Variants in ATP10B observed in about 807,000 individuals in gnomAD.
ATP10B encodes phospholipid-transporting ATPase VB.
A neutral mutation model predicts 141.2 loss-of-function variants in ATP10B; 122 were observed. The ratio of observed to expected loss-of-function variants is 0.86; its 90% CI spans 0.75 to 1.00. The LOEUF is 1.00. Among genes scored for constraint, ATP10B ranks in the 50% least tolerant of loss-of-function variants. ATP10B has a pLI of 0.00. For synonymous variants in ATP10B, 685 were observed against 692.0 expected (o/e 0.99, Z 0.16); for missense variants, 1,876 against 1,825.3 (o/e 1.03, Z -0.51).
chr5:160,852,825 T>G (rs979102086), upstream of ATP10B, among the ~76,000 whole-genome samples: 1 of 152,102 alleles, frequency 6.6e-6, no homozygotes, highest in Non-Finnish European at 1.5e-5. Context: ...ATGAGCAAGT[T>G]GCTGTATTGA....
At chr5:160,579,345 A>G (rs1188888498) in intron 24 of ATP10B, among the ~76,000 whole-genome samples, 1 of 152,148 alleles carries the variant, frequency 6.6e-6, no homozygotes, top group Non-Finnish European at 1.5e-5. Flanking sequence ...GAATTTTTGT[A>G]TAAGGTGTAA....
intron 2 of ATP10B, among the ~76,000 whole-genome samples, chr5:160,725,574 T>C (rs1055905686): frequency 1.3e-5 from 2 of 152,042 alleles, no homozygotes; most frequent in South Asian, 2.1e-4. Context: ...GCCTCGCAAG[T>C]AGCTGGGACT....
intron 7 of ATP10B, 146 bp downstream of exon 7, chr5:160,670,317 T>C: frequency 1.4e-6 from 1 of 713,526 alleles, no homozygotes; most frequent in Non-Finnish European, 2.4e-6. Context: ...GGGCTGCTGG[T>C]AGGATTTAGT....
intron 24 of ATP10B, among the ~76,000 whole-genome samples, chr5:160,578,580 T>C (rs1323720275): frequency 1.3e-5 from 2 of 152,216 alleles, no homozygotes; most frequent in South Asian, 2.1e-4. Flanking sequence ...ATTTTCTTTA[T>C]CCAGTCTATC....
the ATP10B span, among the ~76,000 whole-genome samples, chr5:160,910,589 C>A: frequency 6.6e-6 from 1 of 152,164 alleles, no homozygotes; most frequent in African/African-American, 2.4e-5. Flanking sequence ...ATTCAGGCTT[C>A]ACTATCCTGT....
chr5:160,825,824 G>C (rs1774559835), intron 1 of ATP10B, among the ~76,000 whole-genome samples: 1 of 152,118 alleles, frequency 6.6e-6, no homozygotes, highest in Non-Finnish European at 1.5e-5. Context: ...CCCCTGACCA[G>C]TAGTCAGCAG....
chr5:160,670,695 G>T, intron 6 of ATP10B, 28 bp from the exon 7 acceptor site: 1 of 1,602,084 alleles, frequency 6.2e-7, no homozygotes, highest in Non-Finnish European at 8.5e-7. Context: ...CAGGGTGTGA[G>T]TGAGCTTTAA....
intron 24 of ATP10B, among the ~76,000 whole-genome samples, chr5:160,580,014 G>T (rs1373563028): frequency 6.6e-6 from 1 of 152,104 alleles, no homozygotes; most frequent in Non-Finnish European, 1.5e-5. Context: ...CATTGATTTT[G>T]TATCCCAAGA....
At chr5:160,914,971 G>T in the ATP10B span, among the ~76,000 whole-genome samples, 3 of 152,152 alleles carry the variant, frequency 2.0e-5, no homozygotes. Flanking sequence ...ACTTAAGGCT[G>T]GAGCAGCACA....
the ATP10B span, among the ~76,000 whole-genome samples, chr5:160,896,046 AGT>A: frequency 6.6e-6 from 1 of 152,224 alleles, no homozygotes; most frequent in Non-Finnish European, 1.5e-5. Flanking sequence ...CAGCTAAAGC[AGT>A]GTGTAGAGGG....
chr5:160,577,536 T>C (rs1380941871), intron 24 of ATP10B, among the ~76,000 whole-genome samples: 2 of 152,204 alleles, frequency 1.3e-5, no homozygotes, highest in Admixed American at 1.3e-4. Context: ...ATTGATTTTC[T>C]GGGGCTGGAG....
chr5:160,644,729 C>A (rs981352141), intron 8 of ATP10B, among the ~76,000 whole-genome samples: 1 of 152,096 alleles, frequency 6.6e-6, no homozygotes, highest in Non-Finnish European at 1.5e-5. Flanking sequence ...AGGGGAGAAA[C>A]CTTCAGCTCT....
chr5:160,836,291 C>T, intron 1 of ATP10B, among the ~76,000 whole-genome samples: 1 of 152,112 alleles, frequency 6.6e-6, no homozygotes, highest in East Asian at 1.9e-4. Context: ...CCACAAAACT[C>T]TGTAAATTCA....
intron 1 of ATP10B, among the ~76,000 whole-genome samples, chr5:160,794,619 C>T (rs1022878732): frequency 6.6e-6 from 1 of 152,156 alleles, no homozygotes; most frequent in African/African-American, 2.4e-5. Flanking sequence ...ACAGAGGAAG[C>T]CTCACTTTTC....
Position 160,688,754 on chromosome 5 carries a change from A to G in ATP10B, c.-21+6T>C, listed in dbSNP as rs142608768. 6.1e-5 allele frequency: 60 copies of G among 985,332 alleles called. No homozygotes were observed. The African/African-American group carries it at 9.1e-4, about 15-fold the overall frequency. 61.0% of individuals were successfully genotyped at this position (985,332 alleles called of 1,614,324 possible). ...CTGATTCTGATGACATTTTCCAGAA[A>G]CTCACCTGTGGCCGGAACCTCAAAG... On this transcript the variant is annotated splice_donor_region_variant and intron_variant, in intron 4 of 25. Transcript: ENST00000327245.
intron 2 of ATP10B, among the ~76,000 whole-genome samples, chr5:160,765,640 G>C (rs1032188730): frequency 3.0e-4 from 45 of 152,116 alleles, no homozygotes; most frequent in African/African-American, 1.0e-3. Context: ...AACTCTTCTA[G>C]TCTTTGGCTT....
upstream of ATP10B, among the ~76,000 whole-genome samples, chr5:160,853,882 TCACA>T (rs539750129): frequency 1.9e-4 from 29 of 152,316 alleles, no homozygotes; most frequent in Admixed American, 1.4e-3. Flanking sequence ...AAAATCACAC[TCACA>T]GAGTTTTACT....
chr5:160,636,219 C>A lies in ATP10B; in HGVS notation c.1091G>T (p.Gly364Val), dbSNP rs755291436. ...GATCATTGTGAGGAACATGTAGAAGCCCCCAAGGGCACTGGGAAGGAAGCT... is the reference window on the plus strand; with the variant it reads ...GATCATTGTGAGGAACATGTAGAAGACCCCAAGGGCACTGGGAAGGAAGCT... ...NGSFLPSALG[G>V]FYMFLTMIIL... Residue 364 changes from glycine (G) to valine (V), a missense_variant, in exon 11 of 26, where the codon GGC (glycine) becomes GTC (valine). By Grantham distance (109) the Gly-to-Val change is moderately radical. Transcript: ENST00000327245. 4.3e-6 allele frequency: 7 copies of A among 1,613,208 alleles called. No individual in the cohort carries two copies. In the East Asian group the frequency reaches 1.3e-4, roughly 31 times the overall value.
intron 1 of ATP10B, among the ~76,000 whole-genome samples, chr5:160,848,345 T>A (rs371180668): frequency 2.0e-5 from 3 of 152,322 alleles, no homozygotes; most frequent in African/African-American, 7.2e-5. Context: ...ATTTCTATGA[T>A]GTTGGTATCA....
Sources: gnomAD v4.1 joint callset for allele counts (sites outside exome capture counted in the v4.1 genomes callset) on GRCh38, gnomAD v4.1.1 for gene constraint, MANE v1.5 for transcripts, NCBI Gene and HGNC (gene_info 2026-07-23, HGNC 2026-07-21) for gene names.